PAPSS1: variants seen among roughly 807,000 people sequenced by gnomAD.
PAPSS1 encodes the protein 3'-phosphoadenosine 5'-phosphosulfate synthase 1, also known as bifunctional 3'-phosphoadenosine 5'-phosphosulfate synthase 1.
In PAPSS1, 50 loss-of-function variants were observed where a neutral mutation model predicts 72.0. The ratio of observed to expected loss-of-function variants is 0.69; its 90% CI spans 0.55 to 0.88. PAPSS1 has a LOEUF of 0.88. Among genes scored for constraint, PAPSS1 ranks in the 40% least tolerant of loss-of-function variants. PAPSS1 has a pLI of 0.00. For synonymous variants in PAPSS1, 261 were observed against 263.6 expected, an observed-to-expected ratio of 0.99 and a Z score of 0.09; for missense variants, 657 against 782.2, an observed-to-expected ratio of 0.84 and a Z score of 1.91.
chr4:107,633,983 T>C (rs1030757219), intron 10 of PAPSS1, among the ~76,000 whole-genome samples: 7 of 151,680 alleles, frequency 4.6e-5, no homozygotes, highest in Non-Finnish European at 7.4e-5. Context: ...GTCATACTTA[T>C]CAAATTAGCA....
chr4:107,614,341 C>T lies in PAPSS1; in HGVS notation c.1783G>A (p.Ala595Thr), dbSNP rs977295150. ...FISGTRMRKL[A>T]REGQKPPEGF... Reference sequence around the variant, plus strand: ...TCAGGTGGTTTCTGGCCTTCTCGAGCAAGTTTGCGCATTCGTGTTCCTGAA... The same window carrying T: ...TCAGGTGGTTTCTGGCCTTCTCGAGTAAGTTTGCGCATTCGTGTTCCTGAA... Residue 595 changes from alanine to threonine, a missense_variant, in exon 12 of 12, where the codon GCT (alanine) becomes ACT (threonine). Ala to Thr is a moderately conservative substitution (Grantham distance 58). Coordinates refer to ENST00000265174, the MANE Select transcript of PAPSS1 (RefSeq NM_005443.5). 3.1e-6 allele frequency: 5 copies of T among 1,613,744 alleles called. No individual in the cohort carries two copies. The African/African-American group carries it at 5.3e-5, about 17-fold the overall frequency.
At chr4:107,686,503 T>C (rs1421890475) in intron 4 of PAPSS1, among the ~76,000 whole-genome samples, 1 of 152,206 alleles carries the variant, frequency 6.6e-6, no homozygotes, top group Non-Finnish European at 1.5e-5. Context: ...ACCACACATG[T>C]GGAATGCACA....
Position 107,626,088 on chromosome 4 carries a change from G to A in PAPSS1, c.1736+5543C>T, listed in dbSNP as rs558923131. On this transcript the variant is annotated intron_variant, in intron 11 of 11. Transcript: ENST00000265174. ...AGCTACTCGAGAGGCTGAGGCAGGA[G>A]AATGGCGTGAAACAGGGAGGCAGAG... 1.3e-4 allele frequency among the ~76,000 whole-genome samples: 20 copies of A among 150,520 alleles called. No homozygotes were observed. In the East Asian group the frequency reaches 4.0e-3, roughly 30 times the overall value.
intron 11 of PAPSS1, among the ~76,000 whole-genome samples, chr4:107,627,584 G>A (rs1232835588): frequency 6.6e-6 from 1 of 152,074 alleles, no homozygotes; most frequent in African/African-American, 2.4e-5. Context: ...AAGTAAATTA[G>A]AATTTTTGAC....
intron 6 of PAPSS1, 37 bp downstream of exon 6, chr4:107,659,922 C>T: frequency 9.0e-7 from 1 of 1,116,034 alleles, no homozygotes; most frequent in Admixed American, 1.8e-5. Context: ...GTATATAAGG[C>T]TGTATCACTT....
intron 1 of PAPSS1, among the ~76,000 whole-genome samples, chr4:107,713,973 T>C (rs1723570808): frequency 6.6e-6 from 1 of 152,146 alleles, no homozygotes; most frequent in African/African-American, 2.4e-5. Flanking sequence ...AAAAGATATG[T>C]CACAGAAACG....
At chr4:107,647,931 T>A (rs1726736555) in intron 9 of PAPSS1, among the ~76,000 whole-genome samples, 2 of 152,170 alleles carry the variant, frequency 1.3e-5, no homozygotes, top group African/African-American at 4.8e-5. Flanking sequence ...ACCGGACAGA[T>A]GCATTACAAA....
At chr4:107,680,080 A>C (rs1727762469) in intron 5 of PAPSS1, among the ~76,000 whole-genome samples, 1 of 152,160 alleles carries the variant, frequency 6.6e-6, no homozygotes, top group Non-Finnish European at 1.5e-5. Context: ...CTGTGGGACA[A>C]CATATTATTC....
chr4:107,679,055 AG>A (rs1247530773), intron 5 of PAPSS1, among the ~76,000 whole-genome samples: 1 of 152,136 alleles, frequency 6.6e-6, no homozygotes, highest in Non-Finnish European at 1.5e-5. Flanking sequence ...CTCCCCTCCA[AG>A]CCTCCCAGGG....
chr4:107,685,439 T>C (rs1722758390), intron 4 of PAPSS1, among the ~76,000 whole-genome samples: 3 of 152,234 alleles, frequency 2.0e-5, no homozygotes, highest in Non-Finnish European at 2.9e-5. Flanking sequence ...AGACTTTATT[T>C]AGGATCCTGG....
chr4:107,643,457 G>A (rs1726608526), intron 10 of PAPSS1, among the ~76,000 whole-genome samples: 1 of 152,190 alleles, frequency 6.6e-6, no homozygotes, highest in African/African-American at 2.4e-5. Flanking sequence ...AGCCTCCACT[G>A]AGACTGAACT....
chr4:107,649,317 G>A (rs753470762), intron 9 of PAPSS1, among the ~76,000 whole-genome samples: 2 of 152,232 alleles, frequency 1.3e-5, no homozygotes, highest in Admixed American at 1.3e-4. Context: ...ACCAGCTTCT[G>A]CCCAGTGGCC....
intron 10 of PAPSS1, among the ~76,000 whole-genome samples, chr4:107,635,899 T>C (rs954654486): frequency 1.3e-5 from 2 of 152,184 alleles, no homozygotes; most frequent in Non-Finnish European, 2.9e-5. Context: ...CTTGGTGACA[T>C]AGGTACACAG....
At chr4:107,665,268 C>A (rs377249769) in intron 5 of PAPSS1, among the ~76,000 whole-genome samples, 3 of 152,156 alleles carry the variant, frequency 2.0e-5, no homozygotes, top group Admixed American at 1.3e-4. Flanking sequence ...CTAGCACATT[C>A]CAGTGACAAA....
At chr4:107,694,468 A>G (rs1208165781) in intron 2 of PAPSS1, among the ~76,000 whole-genome samples, 1 of 152,256 alleles carries the variant, frequency 6.6e-6, no homozygotes, top group East Asian at 1.9e-4. Context: ...CAAACGTATC[A>G]GAAATCACTG....
At chr4:107,675,235 T>C (rs1170455722) in intron 5 of PAPSS1, among the ~76,000 whole-genome samples, 1 of 152,096 alleles carries the variant, frequency 6.6e-6, no homozygotes, top group Non-Finnish European at 1.5e-5. Context: ...AAAAAATCAA[T>C]GAATCCAGCA....
rs1201340240 is a variant in PAPSS1 at position 107,674,373 on chromosome 4, G to A, written c.669+7642C>T. The stretch of plus-strand genomic sequence containing the variant: ...CAAATGGAAAACAAAAAAAGGCAGG[G>A]GTTGCAATCCTAGTCTCTGATAAAA... On this transcript the variant is annotated intron_variant, in intron 5 of 11. Coordinates refer to ENST00000265174, the MANE Select transcript of PAPSS1 (RefSeq NM_005443.5). 2.6e-5 allele frequency among the ~76,000 whole-genome samples: 4 copies of A among 151,966 alleles called. 1 individual carries two copies. The highest frequency in any genetic ancestry group is 2.6e-4 in the Admixed American group (4 of 15,268).
chr4:107,631,822 G>T lies in PAPSS1; in HGVS notation c.1545C>A (p.Ala515=). 1.2e-6 allele frequency: 2 copies of T among 1,613,984 alleles called. No homozygotes were observed. Among genetic ancestry groups the T allele is most frequent in the South Asian group, 2.2e-5 (2 of 91,082 alleles). The change falls in exon 11 of 12, where the codon GCC becomes GCA. Residue 515 remains alanine (A), a synonymous_variant. Coordinates refer to ENST00000265174, the MANE Select transcript of PAPSS1 (RefSeq NM_005443.5). ...WHCRARMVAG[A]NFYIVGRDPA... Reference sequence around the variant, plus strand: ...GGTCTCGTCCAACAATGTAAAAGTTGGCTCCTGCAACCATCCGTGCTCTGC... The same window carrying T: ...GGTCTCGTCCAACAATGTAAAAGTTTGCTCCTGCAACCATCCGTGCTCTGC...
intron 4 of PAPSS1, among the ~76,000 whole-genome samples, chr4:107,684,573 T>C (rs1459508330): frequency 1.4e-4 from 21 of 152,232 alleles, no homozygotes; most frequent in Admixed American, 1.4e-3. Flanking sequence ...GGGTAGCCAC[T>C]GTAAGACCTC....
Sources: gnomAD v4.1 joint callset for allele counts (sites outside exome capture counted in the v4.1 genomes callset) on GRCh38, gnomAD v4.1.1 for gene constraint, MANE v1.5 for transcripts, NCBI Gene and HGNC (gene_info 2026-07-23, HGNC 2026-07-21) for gene names.